SLC12A7: variants seen among roughly 807,000 people sequenced by gnomAD.
SLC12A7 encodes K-Cl cotransporter 4.
In SLC12A7, 100 loss-of-function variants were observed where a neutral mutation model predicts 120.6. The ratio of observed to expected loss-of-function variants is 0.83; its 90% CI spans 0.71 to 0.98. SLC12A7 has a LOEUF of 0.98. SLC12A7 is among the 50% of genes least tolerant of loss of function. The pLI, the probability that SLC12A7 is intolerant of heterozygous loss-of-function variation, is 0.00. For synonymous variants in SLC12A7, 760 were observed against 678.0 expected (o/e 1.12, Z -1.88); for missense variants, 1,373 against 1,548.1 (o/e 0.89, Z 1.90).
chr5:1,088,466 C>A (rs1740132211), intron 4 of SLC12A7, 106 bp from the exon 5 acceptor site: 1 of 1,224,902 alleles, frequency 8.2e-7, no homozygotes, highest in Non-Finnish European at 1.2e-6. Context: ...GAATGCCAGC[C>A]CCCAACTCCA....
chr5:1,076,840 G>T, intron 12 of SLC12A7, 28 bp from the exon 13 acceptor site: 1 of 1,465,040 alleles, frequency 6.8e-7, no homozygotes. Context: ...GGAAGATGGG[G>T]CAGATGACAC....
intron 6 of SLC12A7, among the ~76,000 whole-genome samples, chr5:1,086,655 C>G (rs899356010): frequency 6.6e-6 from 1 of 152,246 alleles, no homozygotes; most frequent in Admixed American, 6.5e-5. Context: ...AGATGTCTAC[C>G]CAGCTCATGC....
chr5:1,073,678 C>T lies in SLC12A7; in HGVS notation c.2196G>A (p.Glu732=), dbSNP rs768372642. 1.2e-6 allele frequency: 2 copies of T among 1,601,182 alleles called. No individual in the cohort carries two copies. Among genetic ancestry groups the T allele is most frequent in the Non-Finnish European group, 1.7e-6 (2 of 1,174,144 alleles). ...KGLTIVGSVL[E]GTYLDKHMEA... is the part of the protein sequence containing the mutation. ...CCATGTGCTTGTCCAGGTACGTCCC[C>T]TCCAGCACCGAGCCCACGATGGTCA... is the stretch of plus-strand genomic sequence containing the variant. Residue 732 remains glutamate (E), a synonymous_variant, in exon 17 of 24, where the codon GAG becomes GAA. Coordinates refer to ENST00000264930, the MANE Select transcript of SLC12A7 (RefSeq NM_006598.3).
rs566188813 is a variant in SLC12A7, at chr5:1,069,917, G to A, written c.2241+3716C>T. ...GCTGGCACCAGCATGCTACACGCCC[G>A]GGGCACTCACCCGTCCCTCCCCACA... On this transcript the variant is annotated intron_variant, in intron 17 of 23. Coordinates refer to ENST00000264930, the MANE Select transcript of SLC12A7 (RefSeq NM_006598.3). Among the ~76,000 whole-genome samples, 6 of 152,194 alleles carry A rather than the reference G, an allele frequency of 3.9e-5. No homozygotes were observed. In the East Asian group the frequency reaches 5.8e-4, roughly 15 times the overall value.
At chr5:1,154,304 C>G in the SLC12A7 span, among the ~76,000 whole-genome samples, 3 of 151,676 alleles carry the variant, frequency 2.0e-5, no homozygotes, top group African/African-American at 7.3e-5. Flanking sequence ...ACCACAGCTC[C>G]CACCACACCC....
chr5:1,078,847 A>T, intron 10 of SLC12A7, 89 bp from the exon 11 acceptor site: 1 of 667,226 alleles, frequency 1.5e-6, no homozygotes, highest in Non-Finnish European at 2.7e-6. Flanking sequence ...GTGGGTGGGG[A>T]GATGCACTGG....
chr5:1,066,753 A>AGGCGCCCAGGGTCGCCCG (rs777955242), intron 17 of SLC12A7, among the ~76,000 whole-genome samples: 18 of 152,236 alleles, frequency 1.2e-4, no homozygotes, highest in Non-Finnish European at 2.4e-4. Flanking sequence ...GTGGAGGCAC[A>AGGCGCCCAGGGTCGCCCG]GGCGCCCAGG....
chr5:1,100,574 G>A (rs769662335), intron 1 of SLC12A7, among the ~76,000 whole-genome samples: 16 of 152,260 alleles, frequency 1.1e-4, no homozygotes, highest in Admixed American at 4.6e-4. Context: ...AGCTGCGCTC[G>A]TGGGTAACAG....
intron 19 of SLC12A7, 33 bp downstream of exon 19, chr5:1,064,050 C>T (rs749496217): frequency 1.2e-5 from 20 of 1,600,096 alleles, no homozygotes; most frequent in Admixed American, 8.4e-5. Flanking sequence ...GGTGGCCGTG[C>T]TCCGGCTGGC....
At chr5:1,056,748 G>A (rs1223776692) in intron 22 of SLC12A7, among the ~76,000 whole-genome samples, 1 of 152,196 alleles carries the variant, frequency 6.6e-6, no homozygotes, top group Non-Finnish European at 1.5e-5. Flanking sequence ...TGGCTTTAGG[G>A]TCTGGCTCTG....
In SLC12A7 at chr5:1,079,497, C is replaced by A; in HGVS notation, c.1298-1G>T. ...GACCGGTTTGAACCCGCCATGATAC[C>A]TGTGAACATGGAAAATGCTGCAAAG... On this transcript the variant is annotated splice_acceptor_variant, in intron 9 of 23. Transcript: ENST00000264930. LOFTEE classifies it high-confidence loss of function. 1 of 1,611,692 alleles carries A rather than the reference C, an allele frequency of 6.2e-7. No individual in the cohort carries two copies. The highest frequency in any genetic ancestry group is 8.5e-7 in the Non-Finnish European group (1 of 1,178,930).
chr5:1,151,947 G>A, the SLC12A7 span, among the ~76,000 whole-genome samples: 1 of 152,198 alleles, frequency 6.6e-6, no homozygotes, highest in Admixed American at 6.5e-5. The surrounding 1 kb of genome is among the most constrained non-coding windows in gnomAD (Gnocchi z 6.2). Context: ...TCCCACAGAG[G>A]AAGCTACATG....
intron 6 of SLC12A7, 60 bp from the exon 7 acceptor site, chr5:1,085,533 C>T: frequency 1.3e-6 from 2 of 1,506,698 alleles, no homozygotes; most frequent in Non-Finnish European, 1.8e-6. Flanking sequence ...GTGCCCGTCC[C>T]TCCCGCAAGC....
In SLC12A7 at chr5:1,057,653, G is replaced by C. The variant is rs1431480339; in HGVS notation, c.2848-4C>G. 1 of 1,593,196 alleles carries C rather than the reference G, an allele frequency of 6.3e-7. No homozygotes were observed. The highest frequency in any genetic ancestry group is 1.3e-5 in the African/African-American group (1 of 74,636). ...TCCTGTCGTGGATCAGCTGGGCCTG[G>C]CGGGCCCGGGACTTGGTGAGACCAG... is the stretch of plus-strand genomic sequence containing the variant. On this transcript the variant is annotated splice_region_variant and splice_polypyrimidine_tract_variant and intron_variant, in intron 21 of 23. Transcript: ENST00000264930.
chr5:1,144,643 C>G, the SLC12A7 span, among the ~76,000 whole-genome samples: 8 of 152,224 alleles, frequency 5.3e-5, no homozygotes, highest in Non-Finnish European at 1.0e-4. Context: ...GCGGACCGCA[C>G]CACACTTTAC....
chr5:1,136,253 G>A, the SLC12A7 span, among the ~76,000 whole-genome samples: 392 of 150,852 alleles, frequency 2.6e-3, 3 homozygotes, highest in African/African-American at 9.5e-3. Context: ...ACCCAGCTCC[G>A]AGAAATCACG....
intron 3 of SLC12A7, among the ~76,000 whole-genome samples, chr5:1,092,648 C>A (rs1416558229): frequency 6.6e-6 from 1 of 152,176 alleles, no homozygotes; most frequent in Non-Finnish European, 1.5e-5. Flanking sequence ...CGGGAAATGA[C>A]AATTTTGTGT....
chr5:1,115,144 C>T (rs767780373), upstream of SLC12A7, among the ~76,000 whole-genome samples: 3 of 152,234 alleles, frequency 2.0e-5, no homozygotes, highest in African/African-American at 7.2e-5. Context: ...AATGCAATCT[C>T]GCATCCTTAT....
chr5:1,118,270 TTC>T, the SLC12A7 span, among the ~76,000 whole-genome samples: 6 of 152,222 alleles, frequency 3.9e-5, no homozygotes, highest in Non-Finnish European at 8.8e-5. Flanking sequence ...TCCCCTGTAA[TTC>T]CCCTGTCTTG....
Sources: gnomAD v4.1 joint callset for allele counts (sites outside exome capture counted in the v4.1 genomes callset) on GRCh38, gnomAD v4.1.1 for gene constraint, Gnocchi (gnomAD v3.1) non-coding constraint, MANE v1.5 for transcripts, NCBI Gene and HGNC (gene_info 2026-07-23, HGNC 2026-07-21) for gene names.